The following RBFOX1 variants were observed in gnomAD, a reference collection of about 807,000 sequenced individuals.
RBFOX1 encodes RNA binding protein fox-1 homolog 1.
In RBFOX1, 8 loss-of-function variants were observed where a neutral mutation model predicts 57.7. The ratio of observed to expected loss-of-function variants is 0.14; its 90% confidence interval spans 0.08 to 0.25. The LOEUF is 0.25. Ranked by LOEUF, RBFOX1 falls within the 10% of genes least tolerant of loss-of-function variation. The probability of loss-of-function intolerance (pLI) is 1.00; values close to 1 mark genes in which losing one functional copy is unlikely to be tolerated. For synonymous variants in RBFOX1, 326 were observed against 222.4 expected (o/e 1.47, Z -4.15); for missense variants, 611 against 548.5 (o/e 1.11, Z -1.14).
intron 3 of RBFOX1, among the ~76,000 whole-genome samples, chr16:6,799,156 T>C (rs78123468): frequency 0.015 from 2,339 of 152,110 alleles, 63 homozygotes; most frequent in African/African-American, 0.054. Flanking sequence ...AGTTCTTAGC[T>C]TTGCTCAGGA....
chr16:7,620,196 G>C (rs1354908768), intron 10 of RBFOX1, among the ~76,000 whole-genome samples: 1 of 152,132 alleles, frequency 6.6e-6, no homozygotes, highest in African/African-American at 2.4e-5. Context: ...GATTATGATT[G>C]ATTCACTTAC....
At chr16:6,365,420 GTGGATGGGTAGATGAGTGAA>G (rs1303299736) in intron 2 of RBFOX1, among the ~76,000 whole-genome samples, 1 of 151,616 alleles carries the variant, frequency 6.6e-6, no homozygotes, top group Admixed American at 6.6e-5. Context: ...GGATGGGTAG[GTGGATGGGTAGATGAGTGAA>G]TGGATGGGTG....
chr16:7,284,970 G>T (rs1006959911), intron 4 of RBFOX1, among the ~76,000 whole-genome samples: 1 of 147,936 alleles, frequency 6.8e-6, no homozygotes, highest in African/African-American at 2.5e-5. Flanking sequence ...CTTTCTCCTC[G>T]CCAACGCCTC....
chr16:6,908,330 T>C, intron 3 of RBFOX1, among the ~76,000 whole-genome samples: 1 of 151,688 alleles, frequency 6.6e-6, no homozygotes, highest in Non-Finnish European at 1.5e-5. Context: ...GCCTGTCTTG[T>C]TCATCCAAGT....
chr16:7,087,341 G>A (rs999433284), intron 4 of RBFOX1, among the ~76,000 whole-genome samples: 1 of 152,196 alleles, frequency 6.6e-6, no homozygotes, highest in Non-Finnish European at 1.5e-5. Context: ...TCTCCCACCC[G>A]CCATCAGGAA....
intron 1 of RBFOX1, among the ~76,000 whole-genome samples, chr16:5,351,036 T>G (rs2065251479): frequency 6.6e-6 from 1 of 152,190 alleles, no homozygotes; most frequent in South Asian, 2.1e-4. Flanking sequence ...CCACGAATTA[T>G]TAAGCAAAAG....
At chr16:6,143,743 T>G (rs2152706780) in intron 1 of RBFOX1, among the ~76,000 whole-genome samples, 1 of 152,250 alleles carries the variant, frequency 6.6e-6, no homozygotes, top group South Asian at 2.1e-4. Context: ...TCCCAAACTC[T>G]TAAGTAGAAG....
At chr16:6,055,192 AT>A (rs1444375417) in intron 1 of RBFOX1, among the ~76,000 whole-genome samples, 29 of 152,222 alleles carry the variant, frequency 1.9e-4, no homozygotes, top group African/African-American at 7.0e-4. Context: ...GTCCAACGGA[AT>A]TATTAAAAAG....
intron 4 of RBFOX1, among the ~76,000 whole-genome samples, chr16:7,238,758 C>A (rs1021238693): frequency 6.6e-6 from 1 of 152,096 alleles, no homozygotes; most frequent in African/African-American, 2.4e-5. Context: ...AACCTAGTAC[C>A]CATTACTTGT....
chr16:6,172,433 T>C (rs2152768552), intron 1 of RBFOX1, among the ~76,000 whole-genome samples: 1 of 152,304 alleles, frequency 6.6e-6, no homozygotes, highest in East Asian at 1.9e-4. Flanking sequence ...CCTTGGTGTC[T>C]GGAGAGCAGA....
chr16:6,555,238 A>G (rs2097076579), intron 2 of RBFOX1, among the ~76,000 whole-genome samples: 1 of 152,190 alleles, frequency 6.6e-6, no homozygotes, highest in African/African-American at 2.4e-5. Flanking sequence ...AGATCCAAGT[A>G]TACAAAGCCT....
chr16:7,469,500 TA>T (rs1381130597), intron 4 of RBFOX1, among the ~76,000 whole-genome samples: 25 of 152,196 alleles, frequency 1.6e-4, no homozygotes, highest in African/African-American at 6.0e-4. Context: ...TCATCCTTCA[TA>T]TCTCAGCTTG....
chr16:7,233,433 C>T (rs1274031948), intron 4 of RBFOX1, among the ~76,000 whole-genome samples: 16 of 152,276 alleles, frequency 1.1e-4, no homozygotes, highest in African/African-American at 3.4e-4. Context: ...TGCTCTTTCT[C>T]TTATTCATGA....
chr16:6,897,533 C>G (rs1004512238), intron 3 of RBFOX1, among the ~76,000 whole-genome samples: 12 of 152,370 alleles, frequency 7.9e-5, no homozygotes, highest in African/African-American at 2.9e-4. Flanking sequence ...GTGGCTCACG[C>G]CTGTAATCCC....
At chr16:5,476,550 G>A (rs149935669) in intron 2 of RBFOX1, among the ~76,000 whole-genome samples, 1 of 152,170 alleles carries the variant, frequency 6.6e-6, no homozygotes, top group Admixed American at 6.5e-5. Context: ...GCTCAGCCCT[G>A]GCACTCACAG....
chr16:6,661,890 G>C (rs1479897595), intron 3 of RBFOX1, among the ~76,000 whole-genome samples: 1 of 152,254 alleles, frequency 6.6e-6, no homozygotes, highest in East Asian at 1.9e-4. Context: ...TGGCTATAAG[G>C]ATATATGAGA....
At chr16:7,037,387 A>G (rs1186091830) in intron 3 of RBFOX1, among the ~76,000 whole-genome samples, 2 of 151,870 alleles carry the variant, frequency 1.3e-5, no homozygotes, top group Non-Finnish European at 1.5e-5. Context: ...GATTATAGGC[A>G]TACACCACCA....
intron 3 of RBFOX1, among the ~76,000 whole-genome samples, chr16:6,923,980 G>C (rs1465312961): frequency 1.3e-5 from 2 of 151,900 alleles, no homozygotes; most frequent in African/African-American, 2.4e-5. Context: ...GACCATCCTG[G>C]CCAACATGGT....
At chr16:7,298,285 G>GTTTTTTTTTTT (rs201092743) in intron 4 of RBFOX1, among the ~76,000 whole-genome samples, 611 of 96,308 alleles carry the variant, frequency 6.3e-3, no homozygotes, top group Middle Eastern at 0.019. Context: ...GTTTTTTTTT[G>GTTTTTTTTTTT]TTTTTTTTTT....
Sources: allele counts gnomAD v4.1 joint callset (sites outside exome capture counted in the v4.1 genomes callset), GRCh38; gene constraint gnomAD v4.1.1; transcripts MANE v1.5; gene names NCBI Gene and HGNC (gene_info 2026-07-23, HGNC 2026-07-21).